Variants in RP1 observed in about 807,000 individuals in gnomAD.
RP1 encodes the protein RP1 axonemal microtubule associated, also known as oxygen-regulated protein 1.
In RP1, 16 loss-of-function variants were observed where a neutral mutation model predicts 14.8. That is an observed-to-expected ratio of 1.08 (90% CI 0.73 to 1.65). The LOEUF is 1.65. RP1 is among the 40% of genes most tolerant of loss of function. The pLI, the probability that RP1 is intolerant of heterozygous loss-of-function variation, is 0.00. For missense variants in RP1, 2,631 were observed against 2,535.0 expected (o/e 1.04, Z -0.81); for synonymous variants, 876 against 883.6 (o/e 0.99, Z 0.15).
chr8:54,839,669 C>G (rs1811745747), intron 25 of RP1, among the ~76,000 whole-genome samples: 1 of 152,132 alleles, frequency 6.6e-6, no homozygotes, highest in African/African-American at 2.4e-5. Context: ...CTGGGCTTCT[C>G]TCCACCAGCA....
intron 16 of RP1, chr8:54,720,422 T>C: frequency 1.1e-6 from 1 of 931,556 alleles, no homozygotes; most frequent in Admixed American, 3.4e-5. Flanking sequence ...GGCTTTTTTG[T>C]TTGTTGTCAT....
rs146256526 is a variant in RP1 at position 54,627,912 on chromosome 8, T to C, written c.4030T>C (p.Phe1344Leu). The change falls in exon 4 of 4, where the codon TTT becomes CTT. Residue 1344 changes from phenylalanine (F) to leucine (L), a missense_variant. Coordinates refer to ENST00000220676, the MANE Select transcript of RP1 (RefSeq NM_006269.2). ...VPVNVCNTID[F>L]LNSKENTYTD... Reference sequence around the variant, plus strand: ...TGTCAATGTCTGCAATACCATTGACTTTTTAAACTCCAAAGAAAACACATA... The same window carrying C: ...TGTCAATGTCTGCAATACCATTGACCTTTTAAACTCCAAAGAAAACACATA... 2.1e-4 allele frequency: 332 copies of C among 1,614,142 alleles called. No homozygotes were observed. In the African/African-American group the frequency reaches 3.9e-3, roughly 19 times the overall value.
chr8:54,788,927 A>C (rs1362951139), intron 24 of RP1, among the ~76,000 whole-genome samples: 1 of 152,180 alleles, frequency 6.6e-6, no homozygotes, highest in Non-Finnish European at 1.5e-5. Context: ...GTCTCATTAA[A>C]AGGGTAAGAG....
At chr8:54,616,379 AT>A (rs1223285137) in intron 1 of RP1, among the ~76,000 whole-genome samples, 177 bp downstream of exon 1, 3 of 152,246 alleles carry the variant, frequency 2.0e-5, no homozygotes, top group African/African-American at 4.8e-5. Flanking sequence ...CCTTCACAAT[AT>A]GCTGATATTG....
intron 1 of RP1, among the ~76,000 whole-genome samples, chr8:54,586,115 C>T (rs1383138415): frequency 6.6e-6 from 1 of 152,134 alleles, no homozygotes; most frequent in Non-Finnish European, 1.5e-5. Flanking sequence ...GTTTTTTCCC[C>T]ATCTTTGTGG....
intron 16 of RP1, among the ~76,000 whole-genome samples, chr8:54,721,438 A>G (rs1808534888): frequency 6.6e-6 from 1 of 152,236 alleles, no homozygotes; most frequent in South Asian, 2.1e-4. Context: ...GTCAGCTGCC[A>G]TGCTGGAAGA....
intron 8 of RP1, among the ~76,000 whole-genome samples, chr8:54,678,287 A>G (rs1807342440): frequency 6.6e-6 from 1 of 152,226 alleles, no homozygotes; most frequent in Non-Finnish European, 1.5e-5. Flanking sequence ...TGTATAAGAA[A>G]TACATTCCTT....
At position 54,808,363 on chromosome 8, in the gene RP1, C is replaced by T. The variant is rs568475670; in HGVS notation, c.3615+24653C>T. Among the ~76,000 whole-genome samples the T allele has an allele frequency of 3.5e-4, 53 of 152,350 alleles. 1 individual carries two copies. In the South Asian group the frequency reaches 8.9e-3, roughly 26 times the overall value. ...TGGAAGATGGTCTTCCCTTAGCCCA[C>T]TGTCCAGGATCCCTCAAGTGCCCAG... On this transcript the variant is annotated intron_variant, in intron 24 of 28. Coordinates refer to the RP1 transcript ENST00000637698.
At chr8:54,606,843 T>C (rs1585545490) in intron 1 of RP1, among the ~76,000 whole-genome samples, 1 of 152,356 alleles carries the variant, frequency 6.6e-6, no homozygotes, top group East Asian at 1.9e-4. Flanking sequence ...AATCGGCTAC[T>C]GAGGCTTGTG....
At chr8:54,602,695 C>T (rs1392196244) in intron 1 of RP1, among the ~76,000 whole-genome samples, 2 of 152,118 alleles carry the variant, frequency 1.3e-5, no homozygotes, top group African/African-American at 4.8e-5. Flanking sequence ...CTCTCCAGCA[C>T]CTGTTGTTTC....
exon 26 of RP1, chr8:54,852,674 A>G (rs1179419701): frequency 1.6e-6 from 2 of 1,232,080 alleles, no homozygotes; most frequent in Non-Finnish European, 1.0e-6. Flanking sequence ...GTGATTCAGG[A>G]AAACGAAGAC....
chr8:54,702,496 T>G (rs1405262233), intron 14 of RP1, among the ~76,000 whole-genome samples: 1 of 152,152 alleles, frequency 6.6e-6, no homozygotes, highest in African/African-American at 2.4e-5. Context: ...AATATTTTAG[T>G]GCTAAAAAAT....
At chr8:54,640,335 G>T (rs1313956762) in intron 3 of RP1, among the ~76,000 whole-genome samples, 1 of 152,090 alleles carries the variant, frequency 6.6e-6, no homozygotes, top group African/African-American at 2.4e-5. Flanking sequence ...GCATATATTT[G>T]TATGCCAAAA....
chr8:54,632,939 T>G (rs925001521), downstream of RP1, among the ~76,000 whole-genome samples: 3 of 152,046 alleles, frequency 2.0e-5, no homozygotes, highest in Non-Finnish European at 4.4e-5. Context: ...GGGGAAGATA[T>G]GTAGAATTCA....
rs1257961347 is a variant in RP1 at position 54,627,938 on chromosome 8, T to C, written c.4056T>C (p.Tyr1352=). The C allele has an allele frequency of 3.7e-6, 6 of 1,613,950 alleles. No individual in the cohort carries two copies. The highest frequency in any genetic ancestry group is 5.1e-6 in the Non-Finnish European group (6 of 1,179,974). ...TTTTAAACTCCAAAGAAAACACATA[T>C]ACTGATAACTTGGATTCAACTGAAG... ...IDFLNSKENT[Y]TDNLDSTEEL... is the part of the protein sequence containing the mutation. The change falls in exon 4 of 4, where the codon TAT becomes TAC. Residue 1352 remains tyrosine (Y), a synonymous_variant. Coordinates refer to ENST00000220676, the MANE Select transcript of RP1 (RefSeq NM_006269.2).
At chr8:54,705,481 A>G (rs542812077) in intron 14 of RP1, among the ~76,000 whole-genome samples, 2 of 152,264 alleles carry the variant, frequency 1.3e-5, no homozygotes, top group South Asian at 2.1e-4. Flanking sequence ...TAGTGAGTCC[A>G]TGTGGCTGGT....
chr8:54,580,563 C>T (rs1400457764), intron 1 of RP1, among the ~76,000 whole-genome samples: 1 of 151,918 alleles, frequency 6.6e-6, no homozygotes, highest in Non-Finnish European at 1.5e-5. Flanking sequence ...TCTCAGCCTC[C>T]CAAAGTGCTG....
intron 25 of RP1, among the ~76,000 whole-genome samples, chr8:54,841,081 T>A (rs1811780319): frequency 6.6e-6 from 1 of 152,208 alleles, no homozygotes; most frequent in Non-Finnish European, 1.5e-5. Context: ...GGTCTGGGCA[T>A]GCTGAGTACC....
chr8:54,654,630 G>T (rs915178761), intron 5 of RP1, among the ~76,000 whole-genome samples: 1 of 152,082 alleles, frequency 6.6e-6, no homozygotes, highest in South Asian at 2.1e-4. Flanking sequence ...ACCTTAGTAG[G>T]ATCAGGTACT....
Sources: gnomAD v4.1 joint callset for allele counts (sites outside exome capture counted in the v4.1 genomes callset) on GRCh38, gnomAD v4.1.1 for gene constraint, MANE v1.5 for transcripts, NCBI Gene and HGNC (gene_info 2026-07-23, HGNC 2026-07-21) for gene names.